Variants in MYO1D observed in about 807,000 individuals in gnomAD.
MYO1D encodes unconventional myosin-Id.
Under a neutral mutation model 122.0 loss-of-function variants are expected in MYO1D, and 83 were observed. That is an observed-to-expected ratio of 0.68 (90% CI 0.57 to 0.82). MYO1D has a LOEUF of 0.82. MYO1D is among the 40% of genes least tolerant of loss of function. MYO1D has a pLI of 0.00. For synonymous variants in MYO1D, 464 were observed against 446.9 expected (o/e 1.04, Z -0.48); for missense variants, 1,157 against 1,269.5 (o/e 0.91, Z 1.35).
Position 32,494,577 on chromosome 17 carries a change from T to C in MYO1D, c.*182A>G. On this transcript the variant is annotated 3_prime_UTR_variant, in exon 22 of 22. Coordinates refer to ENST00000318217, the MANE Select transcript of MYO1D (RefSeq NM_015194.3). ...CTTATTGAACAGGGACCGTGGACAG[T>C]AAGGACAGAGGAAGATGATACCAAA... 1.3e-6 allele frequency: 1 copy of C among 749,632 alleles called. No homozygotes were observed. The highest frequency in any genetic ancestry group is 1.9e-5 in the South Asian group (1 of 53,012). The allele number at this position is 749,632 out of a possible 1,614,324, so 46.4% of individuals were successfully genotyped here. A position where few individuals can be genotyped will look rare whatever the true frequency, so the allele number is the denominator to read the frequency against.
At chr17:32,665,585 A>G (rs2088625784) in intron 16 of MYO1D, among the ~76,000 whole-genome samples, 1 of 152,258 alleles carries the variant, frequency 6.6e-6, no homozygotes, top group African/African-American at 2.4e-5. Flanking sequence ...TGAATGCAAC[A>G]TCTCATCCCA....
At chr17:32,785,705 T>C (rs1315405499) in intron 1 of MYO1D, among the ~76,000 whole-genome samples, 1 of 152,224 alleles carries the variant, frequency 6.6e-6, no homozygotes, top group African/African-American at 2.4e-5. Flanking sequence ...CACTCTTCTA[T>C]TGGCTTCTTT....
chr17:32,686,949 G>A (rs1332865522), intron 16 of MYO1D, among the ~76,000 whole-genome samples: 1 of 148,496 alleles, frequency 6.7e-6, no homozygotes, highest in African/African-American at 2.5e-5. Context: ...TGATAAGAGT[G>A]AGATCCTGTT....
intron 16 of MYO1D, among the ~76,000 whole-genome samples, chr17:32,676,821 T>C (rs991330882): frequency 1.6e-4 from 24 of 152,120 alleles, no homozygotes; most frequent in African/African-American, 5.8e-4. Flanking sequence ...AGAATTTTTT[T>C]TTTTTTTGAG....
At chr17:32,876,756 C>A in intron 1 of MYO1D, 22 bp downstream of exon 1, 1 of 1,488,416 alleles carries the variant, frequency 6.7e-7, no homozygotes, top group South Asian at 1.3e-5. Flanking sequence ...CGCGCCCCTG[C>A]GCGCGGCCGC....
At chr17:32,702,578 C>G (rs759960892) in intron 16 of MYO1D, among the ~76,000 whole-genome samples, 1 of 152,056 alleles carries the variant, frequency 6.6e-6, no homozygotes, top group African/African-American at 2.4e-5. Flanking sequence ...TCCCTCCTCG[C>G]CCCCCAGTGC....
chr17:32,830,171 G>T (rs1281704769), intron 1 of MYO1D: 1 of 152,104 alleles, frequency 6.6e-6, no homozygotes, highest in East Asian at 1.9e-4. Flanking sequence ...AAGATACTCA[G>T]CATTAGCACA....
intron 16 of MYO1D, among the ~76,000 whole-genome samples, chr17:32,688,347 T>C (rs9892336): frequency 0.099 from 15,021 of 152,168 alleles, 2,469 homozygotes; most frequent in African/African-American, 0.34. Context: ...TACAGACAAA[T>C]GAAGTGAGAA....
At chr17:32,699,566 T>C (rs2089219459) in intron 16 of MYO1D, among the ~76,000 whole-genome samples, 1 of 152,180 alleles carries the variant, frequency 6.6e-6, no homozygotes, top group African/African-American at 2.4e-5. Flanking sequence ...AACTATTAAT[T>C]ATTAATTTTA....
At chr17:32,715,653 A>G (rs1263186339) in intron 15 of MYO1D, among the ~76,000 whole-genome samples, 2 of 152,114 alleles carry the variant, frequency 1.3e-5, no homozygotes, top group Admixed American at 1.3e-4. Flanking sequence ...TATAAAAACA[A>G]AAATATGTAT....
At chr17:32,779,458 T>C (rs2090213730) in intron 2 of MYO1D, among the ~76,000 whole-genome samples, 2 of 150,880 alleles carry the variant, frequency 1.3e-5, no homozygotes, top group Non-Finnish European at 1.5e-5. Context: ...AAATTAGTTA[T>C]ATAACAGACA....
At position 32,580,400 on chromosome 17, in the gene MYO1D, T is replaced by G. The variant is rs549650388; in HGVS notation, c.2864+24687A>C. Reference sequence around the variant, plus strand: ...TTGTTTTTTTTTTTCAGTTTGTTTATCTGGTGAATTTTTTTTTTTTTTTTT... The same window carrying G: ...TTGTTTTTTTTTTTCAGTTTGTTTAGCTGGTGAATTTTTTTTTTTTTTTTT... On this transcript the variant is annotated intron_variant, in intron 21 of 21. Coordinates refer to ENST00000318217, the MANE Select transcript of MYO1D (RefSeq NM_015194.3). Among the ~76,000 whole-genome samples, 154 of 133,416 alleles carry G rather than the reference T, an allele frequency of 1.2e-3. 2 individuals are homozygous for G. Among genetic ancestry groups the G allele is most frequent in the Non-Finnish European group, 1.0e-3 (68 of 64,986 alleles). 87.5% of individuals were successfully genotyped at this position (133,416 alleles called of 152,430 possible). A position where few individuals can be genotyped will look rare whatever the true frequency, so the allele number is the denominator to read the frequency against.
intron 16 of MYO1D, among the ~76,000 whole-genome samples, chr17:32,660,398 TTTC>T (rs754779350): frequency 6.6e-6 from 1 of 152,234 alleles, no homozygotes; most frequent in Non-Finnish European, 1.5e-5. Flanking sequence ...GTTTCTTTTA[TTTC>T]TTCTTAAAAA....
At chr17:32,769,648 T>C (rs1324435222) in intron 6 of MYO1D, among the ~76,000 whole-genome samples, 1 of 152,100 alleles carries the variant, frequency 6.6e-6, no homozygotes, top group Non-Finnish European at 1.5e-5. Context: ...GGATTTATTG[T>C]ATGATTCCAT....
intron 20 of MYO1D, among the ~76,000 whole-genome samples, chr17:32,627,059 CTT>C (rs2087937911): frequency 6.6e-6 from 1 of 152,070 alleles, no homozygotes; most frequent in Non-Finnish European, 1.5e-5. Flanking sequence ...AAGTGGCTCT[CTT>C]TGTTATAACA....
At chr17:32,705,082 G>C (rs777358925) in intron 16 of MYO1D, among the ~76,000 whole-genome samples, 1 of 151,656 alleles carries the variant, frequency 6.6e-6, no homozygotes, top group Non-Finnish European at 1.5e-5. Context: ...TCAAATACAC[G>C]ACTGAGTACT....
At chr17:32,585,206 G>A (rs913621977) in intron 21 of MYO1D, among the ~76,000 whole-genome samples, 4 of 151,674 alleles carry the variant, frequency 2.6e-5, no homozygotes, top group East Asian at 3.9e-4. Context: ...CTGTAAGGTC[G>A]CTTTCCTTTT....
At chr17:32,678,513 G>GT (rs890483667) in intron 16 of MYO1D, among the ~76,000 whole-genome samples, 4 of 148,982 alleles carry the variant, frequency 2.7e-5, no homozygotes, top group African/African-American at 1.0e-4. Flanking sequence ...GCGGTGTTTG[G>GT]TTTTTTGTTC....
At chr17:32,760,936 A>T (rs1248725641) in intron 8 of MYO1D, among the ~76,000 whole-genome samples, 1 of 152,258 alleles carries the variant, frequency 6.6e-6, no homozygotes, top group Non-Finnish European at 1.5e-5. Flanking sequence ...CCCTTGAATA[A>T]GCCAGTTCAT....
Sources: allele counts gnomAD v4.1 joint callset (sites outside exome capture counted in the v4.1 genomes callset), GRCh38; gene constraint gnomAD v4.1.1; transcripts MANE v1.5; gene names NCBI Gene and HGNC (gene_info 2026-07-23, HGNC 2026-07-21).